RNF24: variants seen among roughly 807,000 people sequenced by gnomAD.
RNF24 encodes the protein ring finger protein 24.
RNF24 carries 14 observed loss-of-function variants against 20.0 expected under a neutral mutation model. The observed-to-expected ratio is 0.70, with a 90% CI of 0.46 to 1.10. The LOEUF is 1.10. RNF24 is among the 50% of genes least tolerant of loss of function. The pLI, the probability that RNF24 is intolerant of heterozygous loss-of-function variation, is 0.00. For missense variants in RNF24, 124 were observed against 177.6 expected (o/e 0.70, Z 1.71); for synonymous variants, 45 against 61.1 (o/e 0.74, Z 1.23).
At chr20:3,946,770 C>T (rs2091023422) in intron 3 of RNF24, among the ~76,000 whole-genome samples, 1 of 151,274 alleles carries the variant, frequency 6.6e-6, no homozygotes, top group Non-Finnish European at 1.5e-5. Context: ...AAATACTCAA[C>T]TCTGATTTTG....
intron 1 of RNF24, among the ~76,000 whole-genome samples, chr20:3,990,772 A>T (rs1980367305): frequency 6.6e-6 from 1 of 152,146 alleles, no homozygotes; most frequent in African/African-American, 2.4e-5. Context: ...GCTACTCAGG[A>T]GGCTGAGGTT....
At chr20:3,955,351 A>G (rs114389096) in intron 2 of RNF24, among the ~76,000 whole-genome samples, 150 of 152,290 alleles carry the variant, frequency 9.8e-4, no homozygotes, top group African/African-American at 3.5e-3. Context: ...TTCGCATGTT[A>G]ATATCCAGCT....
At position 4,011,548 on chromosome 20, in the gene RNF24, T is replaced by C. The variant is rs912146970; in HGVS notation, c.-8+3889A>G. Among the ~76,000 whole-genome samples, 3 of 152,194 alleles carry C rather than the reference T, an allele frequency of 2.0e-5. No individual in the cohort carries two copies. The East Asian group carries it at 5.8e-4, about 29-fold the overall frequency. ...AGGGGGCTCCAGCAGGACCATCTCC[T>C]GGGGAAAAGATATGAAAGTGAGTGA... On this transcript the variant is annotated intron_variant, in intron 1 of 5. Coordinates refer to ENST00000358395, the MANE Select transcript of RNF24 (RefSeq NM_001134337.3).
intron 1 of RNF24, among the ~76,000 whole-genome samples, chr20:3,975,849 C>T (rs1368240346): frequency 6.6e-6 from 1 of 151,936 alleles, no homozygotes; most frequent in African/African-American, 2.4e-5. Flanking sequence ...TTTCTCAGAG[C>T]CCTCAGAAGG....
At chr20:4,009,283 G>A (rs552732668) in intron 1 of RNF24, among the ~76,000 whole-genome samples, 1 of 152,326 alleles carries the variant, frequency 6.6e-6, no homozygotes, top group Non-Finnish European at 1.5e-5. Flanking sequence ...ATAGAGGAGG[G>A]TCAGGGAAAA....
intron 1 of RNF24, among the ~76,000 whole-genome samples, chr20:3,997,208 C>T (rs1407451410): frequency 2.8e-4 from 39 of 137,136 alleles, no homozygotes; most frequent in African/African-American, 1.0e-3. Context: ...CCTGGGCAAC[C>T]GACAGAGCAA....
At chr20:3,957,096 C>G (rs2091151057) in intron 2 of RNF24, among the ~76,000 whole-genome samples, 1 of 151,816 alleles carries the variant, frequency 6.6e-6, no homozygotes. Flanking sequence ...AGTTCCAGAT[C>G]AGATCAGCCT....
intron 1 of RNF24, among the ~76,000 whole-genome samples, chr20:4,002,581 G>C (rs1052215063): frequency 1.3e-5 from 2 of 152,144 alleles, no homozygotes; most frequent in Admixed American, 6.5e-5. Flanking sequence ...GTGTAGGTAA[G>C]TCTATTAAGT....
intron 1 of RNF24, among the ~76,000 whole-genome samples, chr20:3,964,990 A>G (rs937992791): frequency 2.0e-5 from 3 of 152,136 alleles, no homozygotes; most frequent in Admixed American, 6.5e-5. Flanking sequence ...CAGAAACAGT[A>G]AGTGTTGTTT....
intron 3 of RNF24, among the ~76,000 whole-genome samples, chr20:3,947,051 C>T (rs979120260): frequency 1.3e-5 from 2 of 152,016 alleles, no homozygotes; most frequent in Non-Finnish European, 2.9e-5. Flanking sequence ...ATTAGCTGGG[C>T]GTTGTGGCAG....
intron 1 of RNF24, among the ~76,000 whole-genome samples, chr20:4,007,428 T>C (rs1981964236): frequency 6.6e-6 from 1 of 152,124 alleles, no homozygotes; most frequent in Non-Finnish European, 1.5e-5. Flanking sequence ...GAACATTGTC[T>C]TATAGCTGTT....
At chr20:3,984,667 A>G (rs1979724708) in intron 1 of RNF24, among the ~76,000 whole-genome samples, 1 of 152,236 alleles carries the variant, frequency 6.6e-6, no homozygotes, top group African/African-American at 2.4e-5. Flanking sequence ...AAAGGCAGAC[A>G]GCTAGGCAAG....
At chr20:3,972,036 A>G (rs561109099) in intron 1 of RNF24, among the ~76,000 whole-genome samples, 1 of 152,208 alleles carries the variant, frequency 6.6e-6, no homozygotes, top group Non-Finnish European at 1.5e-5. Context: ...CAGAAAATAA[A>G]ATTACCAGAG....
intron 1 of RNF24, among the ~76,000 whole-genome samples, chr20:3,979,161 CGT>C (rs1344457265): frequency 7.3e-5 from 11 of 150,140 alleles, no homozygotes; most frequent in Admixed American, 5.3e-4. Flanking sequence ...ACTGTGTGTG[CGT>C]GTGTGTGTAT....
intron 1 of RNF24, among the ~76,000 whole-genome samples, chr20:3,994,042 C>T (rs1313328336): frequency 2.0e-5 from 3 of 152,172 alleles, no homozygotes; most frequent in Non-Finnish European, 4.4e-5. Context: ...TAGGATCCCA[C>T]ATTGCATTAA....
Position 3,933,947 on chromosome 20 carries a change from GC to G in RNF24, c.*115del, listed in dbSNP as rs2090857864. 9.2e-7 allele frequency: 1 copy of G among 1,089,206 alleles called. No homozygotes were observed. The highest frequency in any genetic ancestry group is 1.2e-6 in the Non-Finnish European group (1 of 816,218). 67.5% of individuals were successfully genotyped at this position (1,089,206 alleles called of 1,614,324 possible). ...GGCTGGCCCAAGAGTTCTTCATGAG[GC>G]AAAAGAAGTGGCAGCTGGTGTCCTA... On this transcript the variant is annotated 3_prime_UTR_variant, in exon 6 of 6. Coordinates refer to ENST00000358395, the MANE Select transcript of RNF24 (RefSeq NM_001134337.3).
chr20:3,970,596 A>C (rs1316975189), intron 1 of RNF24, among the ~76,000 whole-genome samples: 1 of 152,234 alleles, frequency 6.6e-6, no homozygotes, highest in East Asian at 1.9e-4. Context: ...AACATGCTTG[A>C]AACAAGTGAA....
At chr20:3,957,064 G>A (rs917094403) in intron 2 of RNF24, among the ~76,000 whole-genome samples, 3 of 151,974 alleles carry the variant, frequency 2.0e-5, no homozygotes, top group Admixed American at 6.6e-5. Flanking sequence ...AGGCCGAGGC[G>A]GGTGGATCAT....
At chr20:3,980,294 T>A (rs1369452807) in intron 1 of RNF24, among the ~76,000 whole-genome samples, 1 of 152,186 alleles carries the variant, frequency 6.6e-6, no homozygotes, top group African/African-American at 2.4e-5. Flanking sequence ...TGCTTATCGA[T>A]GGTAGATATG....
Sources: allele counts gnomAD v4.1 joint callset (sites outside exome capture counted in the v4.1 genomes callset), GRCh38; gene constraint gnomAD v4.1.1; transcripts MANE v1.5; gene names NCBI Gene and HGNC (gene_info 2026-07-23, HGNC 2026-07-21).